The following FAM227A variants were observed in gnomAD, a reference collection of about 807,000 sequenced individuals.
The protein encoded by FAM227A is protein FAM227A.
FAM227A carries 80 observed loss-of-function variants against 74.7 expected under a neutral mutation model. The ratio of observed to expected loss-of-function variants is 1.07; its 90% confidence interval spans 0.89 to 1.29. FAM227A has a LOEUF of 1.29. Ranked by LOEUF, FAM227A falls within the 50% of genes most tolerant of loss-of-function variation. FAM227A has a pLI of 0.00. For missense variants in FAM227A, 654 were observed against 683.4 expected, an observed-to-expected ratio of 0.96 and a Z score of 0.48; for synonymous variants, 237 against 241.8, an observed-to-expected ratio of 0.98 and a Z score of 0.19.
At chr22:38,631,731 C>T (rs372375057) in intron 6 of FAM227A, among the ~76,000 whole-genome samples, 61 of 151,900 alleles carry the variant, frequency 4.0e-4, no homozygotes, top group African/African-American at 1.4e-3. Context: ...CGCCTGGTGC[C>T]GGGACTGGGA....
At chr22:38,595,976 G>GGC (rs899582907) in intron 15 of FAM227A, among the ~76,000 whole-genome samples, 1 of 151,018 alleles carries the variant, frequency 6.6e-6, no homozygotes, top group African/African-American at 2.4e-5. Context: ...AATAAGGGGG[G>GGC]GGGGGCAGGA....
chr22:38,609,394 C>G (rs2091361804), intron 11 of FAM227A, among the ~76,000 whole-genome samples: 9 of 152,146 alleles, frequency 5.9e-5, no homozygotes, highest in Admixed American at 5.9e-4. Flanking sequence ...GGAAACAACT[C>G]ATAGTTGGCC....
Position 38,599,831 on chromosome 22 carries a change from A to G in FAM227A, c.1312T>C (p.Tyr438His), listed in dbSNP as rs2146208456. The change falls in exon 14 of 17, where the codon TAT becomes CAT. Residue 438 changes from tyrosine (Y) to histidine (H), a missense_variant. By Grantham distance (83) the Tyr-to-His change is moderately conservative (BLOSUM62 2). Transcript: ENST00000535113. ...TTGCCGTGCTGCTGCAGACTGGCAT[A>G]GTTCTGGAGAAAGTACACAATCAGA... is the stretch of plus-strand genomic sequence containing the variant. ...SPLIVYFLQN[Y>H]ASLQQHGKNV... 2 of 1,551,604 alleles carry G rather than the reference A, an allele frequency of 1.3e-6. No individual in the cohort carries two copies. The highest frequency in any genetic ancestry group is 1.7e-6 in the Non-Finnish European group (2 of 1,146,958).
rs147493341 is a variant in FAM227A at position 38,647,399 on chromosome 22, C to T, written c.143-1754G>A. Among the ~76,000 whole-genome samples the T allele has an allele frequency of 1.9e-3, 286 of 150,068 alleles. 4 individuals carry two copies. Among genetic ancestry groups the T allele is most frequent in the Middle Eastern group, 7.0e-3 (2 of 284 alleles). ...GAATCTCTTGAACCCAGGAGGCGGA[C>T]GTTGCAGTGAGCTGAGATTGCGCCA... On this transcript the variant is annotated intron_variant, in intron 2 of 16. Transcript: ENST00000535113.
intron 15 of FAM227A, 58 bp from the exon 16 acceptor site, chr22:38,591,598 A>G (rs921824432): frequency 4.2e-6 from 5 of 1,190,384 alleles, no homozygotes; most frequent in Non-Finnish European, 5.8e-6. Context: ...CATGTCCTCA[A>G]TGTTCTGTAT....
In FAM227A at chr22:38,590,838, G is replaced by A. The variant is rs139217414; in HGVS notation, c.1638+597C>T. Among the ~76,000 whole-genome samples the A allele has an allele frequency of 3.2e-4, 49 of 152,264 alleles. No homozygotes were observed. In the East Asian group the frequency reaches 8.9e-3, roughly 28 times the overall value. ...TCTCATTCTGTCTCCAGGATGGAGT[G>A]TAGTGGCGTGATCTCGGCTCACTGC... On this transcript the variant is annotated intron_variant, in intron 16 of 16. Transcript: ENST00000535113.
chr22:38,615,654 G>A (rs933816440), intron 11 of FAM227A, among the ~76,000 whole-genome samples: 1 of 152,116 alleles, frequency 6.6e-6, no homozygotes, highest in African/African-American at 2.4e-5. Context: ...CACCTGCAGT[G>A]GGGGGGCCTG....
At chr22:38,649,888 A>AT in intron 2 of FAM227A, 139 bp downstream of exon 2, 1 of 792,640 alleles carries the variant, frequency 1.3e-6, no homozygotes, top group Non-Finnish European at 1.9e-6. Context: ...AAGAAAGAAA[A>AT]GAAAAGAAAA....
intron 6 of FAM227A, among the ~76,000 whole-genome samples, chr22:38,634,893 G>T (rs755319236): frequency 1.3e-5 from 2 of 152,156 alleles, no homozygotes; most frequent in Non-Finnish European, 2.9e-5. Flanking sequence ...AAGTCCGAAT[G>T]TAAGAAACAG....
Position 38,585,972 on chromosome 22 carries a change from AAAAACTACAAC to A in FAM227A, c.*142_*152del. 6.7e-7 allele frequency: 1 copy of A among 1,500,540 alleles called. No homozygotes were observed. The highest frequency in any genetic ancestry group is 2.4e-5 in the Admixed American group (1 of 42,028). 93.0% of individuals were successfully genotyped at this position (1,500,540 alleles called of 1,614,324 possible). A position where few individuals can be genotyped will look rare whatever the true frequency, so the allele number is the denominator to read the frequency against. On this transcript the variant is annotated 3_prime_UTR_variant, in exon 17 of 17. Transcript: ENST00000535113. Reference sequence around the variant, plus strand: ...ACTCCTGCTTTTCACTCAGCCTAGGAAAAACTACAACGGAATCCTTCCCCTATGGAGAAATC... The same window carrying A: ...ACTCCTGCTTTTCACTCAGCCTAGGAGGAATCCTTCCCCTATGGAGAAATC...
At chr22:38,643,713 G>A (rs1016227889) in intron 3 of FAM227A, among the ~76,000 whole-genome samples, 2 of 152,178 alleles carry the variant, frequency 1.3e-5, no homozygotes, top group Admixed American at 1.3e-4. Flanking sequence ...GCTTACAGCA[G>A]TTTTATCTGT....
chr22:38,652,218 C>T (rs1038134026), intron 1 of FAM227A, among the ~76,000 whole-genome samples: 7 of 151,714 alleles, frequency 4.6e-5, no homozygotes, highest in Non-Finnish European at 1.0e-4. Flanking sequence ...ATATTTGATG[C>T]TTCTCAGAAG....
intron 4 of FAM227A, 21 bp downstream of exon 4, chr22:38,639,634 G>T (rs1479629697): frequency 2.6e-6 from 4 of 1,551,034 alleles, no homozygotes; most frequent in Non-Finnish European, 3.5e-6. Flanking sequence ...AGAGCATCAA[G>T]GCTGAGGGAA....
intron 11 of FAM227A, among the ~76,000 whole-genome samples, chr22:38,608,129 G>A (rs1271771151): frequency 6.7e-6 from 1 of 148,494 alleles, no homozygotes; most frequent in Non-Finnish European, 1.5e-5. Context: ...CACCATCCTG[G>A]GCAACATAGT....
Position 38,582,987 on chromosome 22 carries a change from T to C in FAM227A, c.*3138A>G, listed in dbSNP as rs1298587900. 6.5e-7 allele frequency: 1 copy of C among 1,544,308 alleles called. No individual in the cohort carries two copies. The highest frequency in any genetic ancestry group is 8.8e-7 in the Non-Finnish European group (1 of 1,142,236). Reference sequence around the variant, plus strand: ...GGAGGGAGGAGAAGGCATTTTCAGGTCCAGAAGCAGCAACAGACAAAAGAT... The same window carrying C: ...GGAGGGAGGAGAAGGCATTTTCAGGCCCAGAAGCAGCAACAGACAAAAGAT... On this transcript the variant is annotated 3_prime_UTR_variant, in exon 17 of 17. Coordinates refer to ENST00000535113, the MANE Select transcript of FAM227A (RefSeq NM_001013647.2).
At chr22:38,624,313 G>A (rs1387393498) in intron 9 of FAM227A, among the ~76,000 whole-genome samples, 1 of 151,908 alleles carries the variant, frequency 6.6e-6, no homozygotes, top group Non-Finnish European at 1.5e-5. Context: ...GCTGAGGCTG[G>A]AGAATCACTT....
rs911077117 is a variant in FAM227A at position 38,626,226 on chromosome 22, G to A, written c.804C>T (p.His268=). The part of the protein sequence containing the change: ...CCFPQSWFDT[H]EFKSDICNTM... ...TGTTACAGATGTCAGACTTGAATTCGTGCGTGTCGAACCAGGACTGTGGAA... is the reference window on the plus strand; with the variant it reads ...TGTTACAGATGTCAGACTTGAATTCATGCGTGTCGAACCAGGACTGTGGAA... Residue 268 remains histidine (H), a synonymous_variant, in exon 9 of 17, where the codon CAC becomes CAT. Coordinates refer to ENST00000535113, the MANE Select transcript of FAM227A (RefSeq NM_001013647.2). The A allele has an allele frequency of 7.1e-6, 11 of 1,551,476 alleles. No individual in the cohort carries two copies. Among genetic ancestry groups the A allele is most frequent in the Admixed American group, 3.9e-5 (2 of 50,956 alleles).
chr22:38,615,539 A>C (rs2091557418), intron 11 of FAM227A, among the ~76,000 whole-genome samples: 1 of 152,156 alleles, frequency 6.6e-6, no homozygotes, highest in Non-Finnish European at 1.5e-5. Context: ...GATTCCAGGC[A>C]AAGAGGACAG....
At position 38,597,290 on chromosome 22, in the gene FAM227A, G is replaced by C; in HGVS notation, c.1446C>G (p.Asp482Glu). ...GATGCTGGTACAACTGATTGAGGTT[G>C]TCTTTCCGCTTCTTCATGCTGCACA... ...ETLCSMKKRK[D>E]NLNQLYQHHW... The change falls in exon 15 of 17, where the codon GAC becomes GAG. Residue 482 changes from aspartate (D) to glutamate (E), a missense_variant. Coordinates refer to ENST00000535113, the MANE Select transcript of FAM227A (RefSeq NM_001013647.2). The C allele has an allele frequency of 6.4e-7, 1 of 1,552,074 alleles. No individual in the cohort carries two copies. Among genetic ancestry groups the C allele is most frequent in the Non-Finnish European group, 8.7e-7 (1 of 1,147,052 alleles).
Sources: allele counts gnomAD v4.1 joint callset (sites outside exome capture counted in the v4.1 genomes callset), GRCh38; gene constraint gnomAD v4.1.1; transcripts MANE v1.5; gene names NCBI Gene and HGNC (gene_info 2026-07-23, HGNC 2026-07-21).